Variants in MTFR1 observed in about 807,000 individuals in gnomAD.
MTFR1 encodes mitochondrial fission regulator 1.
MTFR1 carries 28 observed loss-of-function variants against 38.8 expected under a neutral mutation model. That is an observed-to-expected ratio of 0.72 (90% CI 0.53 to 0.99). The LOEUF is 0.99. MTFR1 is among the 50% of genes least tolerant of loss of function. The pLI, the probability that MTFR1 is intolerant of heterozygous loss-of-function variation, is 0.00. For missense variants in MTFR1, 358 were observed against 395.5 expected (o/e 0.91, Z 0.81); for synonymous variants, 145 against 137.0 (o/e 1.06, Z -0.41).
At chr8:65,665,211 G>A (rs892332449) in intron 1 of MTFR1, among the ~76,000 whole-genome samples, 4 of 152,048 alleles carry the variant, frequency 2.6e-5, no homozygotes, top group Non-Finnish European at 5.9e-5. Flanking sequence ...GGGATTACAG[G>A]TATGAGCCAC....
intron 2 of MTFR1, among the ~76,000 whole-genome samples, chr8:65,677,914 G>T (rs1804760914): frequency 6.6e-6 from 1 of 151,078 alleles, no homozygotes; most frequent in Non-Finnish European, 1.5e-5. Flanking sequence ...TACTGGAGAG[G>T]CTGAGGCAGG....
chr8:65,763,337 G>C (rs559207068), intron 3 of MTFR1, among the ~76,000 whole-genome samples: 24 of 152,040 alleles, frequency 1.6e-4, no homozygotes, highest in Non-Finnish European at 3.2e-4. Flanking sequence ...AGGCTGAGGC[G>C]GGTGGATCAC....
At position 65,710,329 on chromosome 8, in the gene MTFR1, G is replaced by A. The variant is rs1467133078; in HGVS notation, c.*1285G>A. On this transcript the variant is annotated 3_prime_UTR_variant, in exon 8 of 8. Coordinates refer to ENST00000262146, the MANE Select transcript of MTFR1 (RefSeq NM_014637.4). ...TTTGGGGAAATGACATGGCTTGATT[G>A]TTCTGTTTAAATTTGTACTGTGGCT... The A allele has an allele frequency of 6.6e-6, 1 of 152,256 alleles. No homozygotes were observed. Among genetic ancestry groups the A allele is most frequent in the Non-Finnish European group, 1.5e-5 (1 of 67,976 alleles). 9.4% of individuals were successfully genotyped at this position (152,256 alleles called of 1,614,324 possible).
At chr8:65,737,106 TCAAA>T (rs974315667) in intron 3 of MTFR1, among the ~76,000 whole-genome samples, 3 of 151,966 alleles carry the variant, frequency 2.0e-5, no homozygotes, top group African/African-American at 7.2e-5. Context: ...AGACCCTGTC[TCAAA>T]CAAACAAACT....
chr8:65,698,294 G>A (rs1450793370), intron 4 of MTFR1, among the ~76,000 whole-genome samples: 1 of 151,790 alleles, frequency 6.6e-6, no homozygotes, highest in African/African-American at 2.4e-5. Flanking sequence ...GGTTACAGGT[G>A]TATGCCACCA....
At chr8:65,726,188 G>C (rs746594833) in intron 3 of MTFR1, among the ~76,000 whole-genome samples, 1 of 152,170 alleles carries the variant, frequency 6.6e-6, no homozygotes, top group African/African-American at 2.4e-5. Flanking sequence ...TTGCTGACGT[G>C]CATTTTCCCT....
At chr8:65,649,967 T>C (rs546541545) in intron 1 of MTFR1, among the ~76,000 whole-genome samples, 9 of 152,196 alleles carry the variant, frequency 5.9e-5, no homozygotes, top group East Asian at 5.8e-4. Context: ...GCCTCCCAAG[T>C]AGCTGGGGTT....
At chr8:65,711,357 T>C (rs1033328103), downstream of MTFR1, among the ~76,000 whole-genome samples, 4 of 151,850 alleles carry the variant, frequency 2.6e-5, no homozygotes, top group Admixed American at 6.6e-5. Context: ...TGGTAATAAC[T>C]AGCAGAAACA....
chr8:65,686,924 CAAA>C (rs780813271), intron 3 of MTFR1, among the ~76,000 whole-genome samples: 1 of 130,666 alleles, frequency 7.7e-6, no homozygotes, highest in African/African-American at 2.8e-5. Context: ...ACTCCATCTC[CAAA>C]AAAAAAAAAA....
intron 1 of MTFR1, among the ~76,000 whole-genome samples, chr8:65,656,605 G>A (rs1422770833): frequency 2.0e-5 from 3 of 150,966 alleles, no homozygotes; most frequent in African/African-American, 7.3e-5. Flanking sequence ...AGATTCAAGC[G>A]ATTCTCACGC....
downstream of MTFR1, among the ~76,000 whole-genome samples, chr8:65,712,164 C>CTATG (rs1805964818): frequency 1.3e-5 from 2 of 152,158 alleles, no homozygotes; most frequent in Admixed American, 1.3e-4. Context: ...TCCCCAGGTA[C>CTATG]TATGTTGTGG....
chr8:65,644,755 GGAGAGGGT>G lies in MTFR1; in HGVS notation c.-108_-101del, dbSNP rs1474370942. On this transcript the variant is annotated 5_prime_UTR_variant, in exon 1 of 8. Transcript: ENST00000262146. ...AGCCAAGCTAGAAGCCTGAGGAGCCGGAGAGGGTGCTGGCTGCCGCGCGGCCGAGGTGA... is the reference window on the plus strand; with the variant it reads ...AGCCAAGCTAGAAGCCTGAGGAGCCGGCTGGCTGCCGCGCGGCCGAGGTGA... 6.6e-6 allele frequency: 1 copy of G among 152,560 alleles called. No individual in the cohort carries two copies. Among genetic ancestry groups the G allele is most frequent in the Non-Finnish European group, 1.5e-5 (1 of 68,310 alleles). 9.5% of individuals were successfully genotyped at this position (152,560 alleles called of 1,614,324 possible). A position where few individuals can be genotyped will look rare whatever the true frequency, so the allele number is the denominator to read the frequency against.
intron 2 of MTFR1, among the ~76,000 whole-genome samples, chr8:65,671,370 A>C (rs1438348501): frequency 2.0e-5 from 3 of 151,912 alleles, no homozygotes; most frequent in African/African-American, 4.8e-5. Context: ...CTATCTCTAC[A>C]AAAAATTTAA....
At chr8:65,769,820 C>T (rs1179338211) in intron 3 of MTFR1, among the ~76,000 whole-genome samples, 1 of 152,106 alleles carries the variant, frequency 6.6e-6, no homozygotes, top group Non-Finnish European at 1.5e-5. Context: ...TGCTTGAACC[C>T]AGGAAGTGGA....
At chr8:65,685,692 C>T (rs1805050271) in intron 3 of MTFR1, among the ~76,000 whole-genome samples, 1 of 152,174 alleles carries the variant, frequency 6.6e-6, no homozygotes, top group African/African-American at 2.4e-5. Flanking sequence ...GTGAATGAAA[C>T]AGCATGTATG....
At chr8:65,666,066 T>C (rs949004667) in intron 1 of MTFR1, among the ~76,000 whole-genome samples, 2 of 152,190 alleles carry the variant, frequency 1.3e-5, no homozygotes, top group Non-Finnish European at 2.9e-5. Flanking sequence ...CTTTAGAATA[T>C]AAACGTGTTG....
At chr8:65,728,397 G>GT (rs1806696005) in intron 3 of MTFR1, 1 of 152,122 alleles carries the variant, frequency 6.6e-6, no homozygotes, top group Non-Finnish European at 1.5e-5. Context: ...CCTGTGTTAA[G>GT]TTCATCTCAG....
chr8:65,772,436 CT>C (rs1393576405), downstream of MTFR1, among the ~76,000 whole-genome samples: 2 of 152,126 alleles, frequency 1.3e-5, no homozygotes, highest in Non-Finnish European at 2.9e-5. Context: ...GTGTTTGTAT[CT>C]TTGCCAAGTC....
At chr8:65,760,776 T>G (rs1808448962) in intron 3 of MTFR1, among the ~76,000 whole-genome samples, 1 of 152,128 alleles carries the variant, frequency 6.6e-6, no homozygotes. Flanking sequence ...AGACTCCTAT[T>G]ATGGGGAAAG....
Sources: allele counts gnomAD v4.1 joint callset (sites outside exome capture counted in the v4.1 genomes callset), GRCh38; gene constraint gnomAD v4.1.1; transcripts MANE v1.5; gene names NCBI Gene and HGNC (gene_info 2026-07-23, HGNC 2026-07-21).